SLC39A14: variants seen among roughly 807,000 people sequenced by gnomAD.
The protein encoded by SLC39A14 is metal cation symporter ZIP14.
Under a neutral mutation model 45.5 loss-of-function variants are expected in SLC39A14, and 19 were observed. The ratio of observed to expected loss-of-function variants is 0.42; its 90% CI spans 0.29 to 0.61. The LOEUF (loss-of-function observed/expected upper bound fraction) is 0.61, where lower values mean the gene tolerates loss of function less well. Among genes scored for constraint, SLC39A14 ranks in the 20% least tolerant of loss-of-function variants. The pLI, the probability that SLC39A14 is intolerant of heterozygous loss-of-function variation, is 0.22. For synonymous variants in SLC39A14, 264 were observed against 251.3 expected (o/e 1.05, Z -0.48); for missense variants, 447 against 616.5 (o/e 0.73, Z 2.91).
Position 22,433,972 on chromosome 8 carries a change from C to T in SLC39A14, c.1414C>T (p.Arg472Ter), listed in dbSNP as rs1363145435. The change falls in exon 9 of 9, where the codon CGA becomes TGA. Residue 472 changes from arginine to a stop codon, truncating the protein, a stop_gained. Transcript: ENST00000240095. LOFTEE classifies it high-confidence loss of function. ...GCAACCTCTGCCGCTTGGGTTGAAG[C>T]GATTATCCTGTCTAAGCCTCCCGAG... 1.1e-5 allele frequency: 5 copies of T among 435,188 alleles called. No homozygotes were observed. The highest frequency in any genetic ancestry group is 3.3e-4 in the Middle Eastern group (1 of 3,024). The allele number at this position is 435,188 out of a possible 1,614,324, so 27.0% of individuals were successfully genotyped here. A position where few individuals can be genotyped will look rare whatever the true frequency, so the allele number is the denominator to read the frequency against.
At position 22,415,770 on chromosome 8, in the gene SLC39A14, A is replaced by G. The variant is rs746276725; in HGVS notation, c.752A>G (p.His251Arg). The change falls in exon 6 of 9, where the codon CAT (histidine) becomes CGT (arginine). Residue 251 changes from histidine to arginine, a missense_variant and splice_region_variant. This residue lies in a region of SLC39A14 where 342 missense variants were observed against 428.1 expected (regional missense o/e 0.80). Transcript: ENST00000381237. ...LKILLKQKNE[H>R]HHGHSHYASE... ...GATCCCTCCCTGTCACCCTTCCAGC[A>G]TCATCATGGACACAGCCATTATGCC... is the stretch of plus-strand genomic sequence containing the variant. The G allele has an allele frequency of 2.7e-5, 43 of 1,608,332 alleles. No homozygotes were observed. The highest frequency in any genetic ancestry group is 3.6e-5 in the Non-Finnish European group (42 of 1,178,692).
chr8:22,426,320 A>G (rs1008067621), downstream of SLC39A14, among the ~76,000 whole-genome samples: 3 of 151,974 alleles, frequency 2.0e-5, no homozygotes, highest in African/African-American at 7.3e-5. Flanking sequence ...CTCAGCTCCC[A>G]ATTAGCTGGG....
chr8:22,404,623 T>A, intron 1 of SLC39A14, 73 bp from the exon 2 acceptor site: 1 of 1,418,710 alleles, frequency 7.0e-7, no homozygotes, highest in Non-Finnish European at 9.7e-7. Context: ...GTTCAGTGTG[T>A]GGCGGGCGGG....
intron 8 of SLC39A14, among the ~76,000 whole-genome samples, chr8:22,431,478 C>T (rs2132403832): frequency 6.6e-6 from 1 of 152,272 alleles, no homozygotes; most frequent in South Asian, 2.1e-4. Context: ...GTTACTTTCA[C>T]ACAACAGTGG....
At chr8:22,407,208 G>T (rs1400877132) in intron 2 of SLC39A14, among the ~76,000 whole-genome samples, 1 of 152,186 alleles carries the variant, frequency 6.6e-6, no homozygotes, top group Non-Finnish European at 1.5e-5. Flanking sequence ...CAGCACCACA[G>T]TTTTGGCAGA....
intron 1 of SLC39A14, among the ~76,000 whole-genome samples, chr8:22,370,620 G>A (rs140829461): frequency 6.6e-6 from 1 of 152,170 alleles, no homozygotes; most frequent in Non-Finnish European, 1.5e-5. Flanking sequence ...ACCAAAGAAG[G>A]GTTCTATTTT....
rs1035689154 is a variant in SLC39A14 at position 22,420,746 on chromosome 8, G to A, written c.*1048G>A. ...GTGCAGGCAAAATTTAGGATTTGCC[G>A]CTTCCATAAATCAAAGCATGACTAA... On this transcript the variant is annotated 3_prime_UTR_variant, in exon 9 of 9. Coordinates refer to ENST00000381237, the MANE Select transcript of SLC39A14 (RefSeq NM_001128431.4). 2.8e-5 allele frequency: 28 copies of A among 985,340 alleles called. No homozygotes were observed. The highest frequency in any genetic ancestry group is 8.7e-5 in the African/African-American group (5 of 57,316). The allele number at this position is 985,340 out of a possible 1,614,324, so 61.0% of individuals were successfully genotyped here. A position where few individuals can be genotyped will look rare whatever the true frequency, so the allele number is the denominator to read the frequency against.
At chr8:22,415,620 T>A in intron 5 of SLC39A14, 149 bp from the exon 6 acceptor site, 1 of 678,854 alleles carries the variant, frequency 1.5e-6, no homozygotes. Flanking sequence ...TAGCTTTTGC[T>A]ATGTTTCTGG....
At chr8:22,385,219 G>A (rs1303243412) in intron 1 of SLC39A14, among the ~76,000 whole-genome samples, 2 of 152,150 alleles carry the variant, frequency 1.3e-5, no homozygotes, top group African/African-American at 4.8e-5. Context: ...GTTGCTTGTA[G>A]TTCACCCGAG....
chr8:22,406,790 G>GC (rs1426567674), intron 2 of SLC39A14, among the ~76,000 whole-genome samples: 3 of 152,130 alleles, frequency 2.0e-5, no homozygotes, highest in East Asian at 1.9e-4. Flanking sequence ...ACGCCCCCGT[G>GC]CCCCCGCGGG....
intron 1 of SLC39A14, among the ~76,000 whole-genome samples, chr8:22,402,362 G>A (rs1033529759): frequency 2.6e-5 from 4 of 152,062 alleles, no homozygotes; most frequent in African/African-American, 9.7e-5. Flanking sequence ...TCCAGCCTGG[G>A]CGACAGAGCA....
intron 1 of SLC39A14, among the ~76,000 whole-genome samples, chr8:22,383,790 G>A (rs574453037): frequency 1.5e-4 from 23 of 152,282 alleles, no homozygotes; most frequent in East Asian, 1.4e-3. Flanking sequence ...TCCAATTGGC[G>A]TATCTGTATT....
At chr8:22,401,509 T>G (rs1219919052) in intron 1 of SLC39A14, among the ~76,000 whole-genome samples, 4 of 151,918 alleles carry the variant, frequency 2.6e-5, no homozygotes, top group Non-Finnish European at 5.9e-5. Flanking sequence ...TTATCTGTGT[T>G]CTTTCTTTCT....
downstream of SLC39A14, among the ~76,000 whole-genome samples, chr8:22,424,246 A>G (rs551444106): frequency 1.4e-4 from 22 of 152,368 alleles, no homozygotes; most frequent in African/African-American, 4.8e-4. Flanking sequence ...ACATTTCTAT[A>G]TCTTACAGGG....
At chr8:22,400,932 G>T (rs1364322461) in intron 1 of SLC39A14, among the ~76,000 whole-genome samples, 2 of 152,226 alleles carry the variant, frequency 1.3e-5, no homozygotes, top group Admixed American at 1.3e-4. Flanking sequence ...AAATTTTATT[G>T]AGTGCTTTCT....
chr8:22,387,172 TAA>T (rs71544897), intron 1 of SLC39A14, among the ~76,000 whole-genome samples: 14 of 142,814 alleles, frequency 9.8e-5, no homozygotes, highest in Admixed American at 1.4e-4. Context: ...GACCCTGTCT[TAA>T]AAAAAAAAAA....
In SLC39A14 at chr8:22,421,183, T is replaced by C; in HGVS notation, c.*1485T>C. On this transcript the variant is annotated 3_prime_UTR_variant, in exon 9 of 9. Transcript: ENST00000381237. ...ACAGTTGGAGCCCAGGGGCCATGTT[T>C]GCAAACTGATTCATGTGCATGGCTG... The C allele has an allele frequency of 6.1e-6, 6 of 985,860 alleles. No homozygotes were observed. Among genetic ancestry groups the C allele is most frequent in the Non-Finnish European group, 7.2e-6 (6 of 829,948 alleles). The allele number at this position is 985,860 out of a possible 1,614,324, so 61.1% of individuals were successfully genotyped here. A position where few individuals can be genotyped will look rare whatever the true frequency, so the allele number is the denominator to read the frequency against.
chr8:22,403,575 G>T (rs1363427055), intron 1 of SLC39A14, among the ~76,000 whole-genome samples: 2 of 151,452 alleles, frequency 1.3e-5, no homozygotes, highest in African/African-American at 4.8e-5. Context: ...CACAGTGCCC[G>T]GCCGATGTTT....
intron 1 of SLC39A14, among the ~76,000 whole-genome samples, chr8:22,396,796 G>T (rs1343556239): frequency 1.3e-5 from 2 of 151,788 alleles, no homozygotes; most frequent in African/African-American, 4.8e-5. Flanking sequence ...ATTTGGGGAT[G>T]TGAGTGAGAA....
Sources: gnomAD v4.1 joint callset for allele counts (sites outside exome capture counted in the v4.1 genomes callset) on GRCh38, gnomAD v4.1.1 for gene constraint, gnomAD v4.1.1 regional missense constraint, MANE v1.5 for transcripts, NCBI Gene and HGNC (gene_info 2026-07-23, HGNC 2026-07-21) for gene names.